COBL: variants seen among roughly 807,000 people sequenced by gnomAD.
COBL encodes protein cordon-bleu.
In COBL, 51 loss-of-function variants were observed where a neutral mutation model predicts 98.8. The ratio of observed to expected loss-of-function variants is 0.52; its 90% CI spans 0.41 to 0.65. COBL has a LOEUF of 0.65. Ranked by LOEUF, COBL falls within the 30% of genes least tolerant of loss-of-function variation. COBL has a pLI of 0.00. For missense variants in COBL, 1,617 were observed against 1,617.5 expected (o/e 1.00, Z 0.01); for synonymous variants, 634 against 651.7 (o/e 0.97, Z 0.41).
chr7:51,186,561 G>T (rs1182914682), intron 4 of COBL, among the ~76,000 whole-genome samples: 1 of 152,174 alleles, frequency 6.6e-6, no homozygotes, highest in African/African-American at 2.4e-5. Context: ...TCACCTCTAA[G>T]GACTGAGGTC....
intron 2 of COBL, among the ~76,000 whole-genome samples, chr7:51,197,076 T>C (rs1486686920): frequency 5.3e-5 from 8 of 152,180 alleles, no homozygotes; most frequent in African/African-American, 1.9e-4. Flanking sequence ...GCTTTAGGGT[T>C]GGTTTTCTCT....
At chr7:51,262,246 G>A (rs1162283840) in intron 1 of COBL, among the ~76,000 whole-genome samples, 1 of 152,226 alleles carries the variant, frequency 6.6e-6, no homozygotes, top group African/African-American at 2.4e-5. Flanking sequence ...AAGTGCAGGT[G>A]CAAGACAGGG....
chr7:51,237,581 T>C (rs1795386617), intron 1 of COBL, among the ~76,000 whole-genome samples: 1 of 150,360 alleles, frequency 6.7e-6, no homozygotes, highest in Non-Finnish European at 1.5e-5. Flanking sequence ...GAGGGTGTAG[T>C]AATACATATG....
intron 1 of COBL, among the ~76,000 whole-genome samples, chr7:51,236,823 T>C (rs1175496113): frequency 6.6e-6 from 1 of 152,210 alleles, no homozygotes; most frequent in African/African-American, 2.4e-5. Flanking sequence ...ATGTCTGCGA[T>C]GAATGCAGCA....
At chr7:51,081,023 T>A (rs1481344024) in intron 7 of COBL, among the ~76,000 whole-genome samples, 4 of 152,220 alleles carry the variant, frequency 2.6e-5, no homozygotes, top group Admixed American at 6.5e-5. Context: ...AGGCTGGTTC[T>A]GCTAATTAGC....
rs76454095 is a variant in COBL at position 51,016,597 on chromosome 7, C to G, written c.*954G>C. ...GGGAGCCAATGAGCTGTTGGACAAA[C>G]GCGTCAAGGCTGAACCAAAATTGTG... On this transcript the variant is annotated 3_prime_UTR_variant, in exon 13 of 13. Transcript: ENST00000265136. 2 of 214,810 alleles carry G rather than the reference C, an allele frequency of 9.3e-6. No homozygotes were observed. The highest frequency in any genetic ancestry group is 1.2e-4 in the Admixed American group (2 of 17,108). The allele number at this position is 214,810 out of a possible 1,614,324, so 13.3% of individuals were successfully genotyped here. A position where few individuals can be genotyped will look rare whatever the true frequency, so the allele number is the denominator to read the frequency against.
At chr7:51,132,841 C>T (rs1292738363) in intron 6 of COBL, among the ~76,000 whole-genome samples, 1 of 152,040 alleles carries the variant, frequency 6.6e-6, no homozygotes, top group Non-Finnish European at 1.5e-5. Flanking sequence ...GGCTGCCACA[C>T]ACTTTTAAAC....
At chr7:51,071,765 T>C (rs1196644512) in intron 7 of COBL, 1 of 152,230 alleles carries the variant, frequency 6.6e-6, no homozygotes, top group Non-Finnish European at 1.5e-5. Flanking sequence ...TTATATACAA[T>C]CTTCTACAAT....
At chr7:51,222,704 A>G (rs1793766092) in intron 1 of COBL, among the ~76,000 whole-genome samples, 1 of 151,340 alleles carries the variant, frequency 6.6e-6, no homozygotes, top group South Asian at 2.1e-4. Flanking sequence ...TACCTCCCAA[A>G]GGTGTTTTCA....
At chr7:51,300,821 T>C (rs908802616) in intron 1 of COBL, among the ~76,000 whole-genome samples, 2 of 152,172 alleles carry the variant, frequency 1.3e-5, no homozygotes, top group African/African-American at 4.8e-5. Context: ...CCATTCACAG[T>C]TCCTGGAAAA....
chr7:51,049,092 C>CA (rs1789994445), intron 7 of COBL, among the ~76,000 whole-genome samples: 1 of 152,152 alleles, frequency 6.6e-6, no homozygotes, highest in Admixed American at 6.5e-5. Context: ...TAATCTGTCA[C>CA]AAAAATTATG....
intron 6 of COBL, among the ~76,000 whole-genome samples, chr7:51,133,465 A>T (rs1431356751): frequency 6.6e-6 from 1 of 152,180 alleles, no homozygotes; most frequent in African/African-American, 2.4e-5. Context: ...GTGGTTCTCA[A>T]AGTGGGGTTC....
intron 5 of COBL, among the ~76,000 whole-genome samples, chr7:51,166,518 CA>C (rs1787333035): frequency 6.6e-6 from 1 of 152,010 alleles, no homozygotes; most frequent in Non-Finnish European, 1.5e-5. Flanking sequence ...TAAATTCTCC[CA>C]AACATTTAAA....
intron 6 of COBL, among the ~76,000 whole-genome samples, chr7:51,127,387 T>C (rs1166876446): frequency 6.6e-6 from 1 of 152,132 alleles, no homozygotes. Context: ...ACTTATGACT[T>C]TGGAAAGAAT....
At chr7:51,252,480 C>T (rs1319595346) in intron 1 of COBL, among the ~76,000 whole-genome samples, 1 of 152,146 alleles carries the variant, frequency 6.6e-6, no homozygotes, top group African/African-American at 2.4e-5. Context: ...TGAAATCATA[C>T]AATACGCATG....
At chr7:51,186,683 C>T (rs1789553933) in intron 4 of COBL, among the ~76,000 whole-genome samples, 1 of 152,322 alleles carries the variant, frequency 6.6e-6, no homozygotes, top group African/African-American at 2.4e-5. Context: ...GCACCAGGGG[C>T]CTGTGACTCA....
chr7:51,087,710 G>T (rs1228147727), intron 6 of COBL, among the ~76,000 whole-genome samples: 2 of 151,052 alleles, frequency 1.3e-5, no homozygotes, highest in Non-Finnish European at 2.9e-5. Flanking sequence ...CTGGGCTCCA[G>T]TGATGCACCC....
chr7:51,028,025 G>A lies in COBL; in HGVS notation c.3071C>T (p.Pro1024Leu). ...RAPDGTDPPP[P>L]HTSDTQACSR... ...GCAGGCCTGAGTGTCAGATGTGTGT[G>A]GAGGGGGTGGGTCTGTACCATCAGG... The change falls in exon 10 of 13, where the codon CCA (proline) becomes CTA (leucine). Residue 1024 changes from proline (P) to leucine (L), a missense_variant. Coordinates refer to ENST00000265136, the MANE Select transcript of COBL (RefSeq NM_015198.5). 1 of 1,604,968 alleles carries A rather than the reference G, an allele frequency of 6.2e-7. No individual in the cohort carries two copies. The highest frequency in any genetic ancestry group is 8.5e-7 in the Non-Finnish European group (1 of 1,175,448).
chr7:51,293,640 T>C (rs888170830), intron 1 of COBL, among the ~76,000 whole-genome samples: 13 of 152,150 alleles, frequency 8.5e-5, no homozygotes, highest in African/African-American at 2.9e-4. Flanking sequence ...ACATCAAAAT[T>C]CATAAAGCTG....
Sources: allele counts gnomAD v4.1 joint callset (sites outside exome capture counted in the v4.1 genomes callset), GRCh38; gene constraint gnomAD v4.1.1; transcripts MANE v1.5; gene names NCBI Gene and HGNC (gene_info 2026-07-23, HGNC 2026-07-21).